The following KIAA1549L variants were observed in gnomAD, a reference collection of about 807,000 sequenced individuals.
The protein encoded by KIAA1549L is UPF0606 protein KIAA1549L.
KIAA1549L carries 88 observed loss-of-function variants against 160.7 expected under a neutral mutation model. The observed-to-expected ratio is 0.55, with a 90% CI of 0.46 to 0.65. The LOEUF is 0.65. Ranked by LOEUF, KIAA1549L falls within the 30% of genes least tolerant of loss-of-function variation. The pLI, the probability that KIAA1549L is intolerant of heterozygous loss-of-function variation, is 0.00. For missense variants in KIAA1549L, 2,258 were observed against 2,437.5 expected (o/e 0.93, Z 1.55); for synonymous variants, 950 against 976.7 (o/e 0.97, Z 0.51).
chr11:33,529,795 G>A (rs1020441892), intron 1 of KIAA1549L, among the ~76,000 whole-genome samples: 1 of 152,142 alleles, frequency 6.6e-6, no homozygotes, highest in African/African-American at 2.4e-5. Context: ...GGAGATAACT[G>A]GCTAGCTATC....
intron 8 of KIAA1549L, among the ~76,000 whole-genome samples, chr11:33,566,870 AATCTT>A (rs1489490083): frequency 1.3e-5 from 2 of 152,224 alleles, no homozygotes; most frequent in East Asian, 3.8e-4. Context: ...AATAATGGAA[AATCTT>A]ATCTTCCCAG....
chr11:33,459,902 A>G (rs367814795), intron 1 of KIAA1549L, among the ~76,000 whole-genome samples: 34 of 142,610 alleles, frequency 2.4e-4, no homozygotes, highest in African/African-American at 8.6e-4. Context: ...CAGAGCTTGC[A>G]GTGAGCCGAG....
At chr11:33,662,516 A>G (rs528273197) in intron 20 of KIAA1549L, among the ~76,000 whole-genome samples, 1 of 152,294 alleles carries the variant, frequency 6.6e-6, no homozygotes, top group South Asian at 2.1e-4. Context: ...CTGCTATTCC[A>G]CATGGCTGAT....
chr11:33,420,768 A>AT (rs763775387), intron 1 of KIAA1549L, among the ~76,000 whole-genome samples: 1 of 152,220 alleles, frequency 6.6e-6, no homozygotes, highest in African/African-American at 2.4e-5. Context: ...TAAACGTTTC[A>AT]TAACCACGAA....
At position 33,618,729 on chromosome 11, in the gene KIAA1549L, T is replaced by A. The variant is rs995558260; in HGVS notation, c.5409+67T>A. On this transcript the variant is annotated intron_variant, in intron 16 of 20. Transcript: ENST00000658780. ...CCCTGAAGGCAAGGGGGATAGGGCA[T>A]CCCACTGTGTTTTGGTTTACCACAT... The A allele has an allele frequency of 2.0e-5, 27 of 1,340,788 alleles. No individual in the cohort carries two copies. The South Asian group carries it at 2.5e-4, about 12-fold the overall frequency. The allele number at this position is 1,340,788 out of a possible 1,614,324, so 83.1% of individuals were successfully genotyped here. A position where few individuals can be genotyped will look rare whatever the true frequency, so the allele number is the denominator to read the frequency against.
intron 1 of KIAA1549L, among the ~76,000 whole-genome samples, chr11:33,505,059 C>G (rs955513993): frequency 3.3e-5 from 5 of 152,248 alleles, no homozygotes; most frequent in African/African-American, 1.2e-4. Flanking sequence ...AGCCACCACA[C>G]CTGGCCGATT....
At chr11:33,610,683 A>T (rs1422183864) in intron 15 of KIAA1549L, among the ~76,000 whole-genome samples, 1 of 152,232 alleles carries the variant, frequency 6.6e-6, no homozygotes, top group East Asian at 1.9e-4. Context: ...TGCTGTAACG[A>T]TCTAAAAGGG....
chr11:33,432,085 A>G lies in KIAA1549L; in HGVS notation c.238+55196A>G, dbSNP rs1267749085. Among the ~76,000 whole-genome samples, 4 of 152,314 alleles carry G rather than the reference A, an allele frequency of 2.6e-5. No individual in the cohort carries two copies. In the East Asian group the frequency reaches 7.7e-4, roughly 29 times the overall value. On this transcript the variant is annotated intron_variant, in intron 1 of 20. Coordinates refer to ENST00000658780, the MANE Select transcript of KIAA1549L (RefSeq NM_012194.3). ...GCCCACCCGGAACTCCAGCTGGCCC[A>G]CAAGCTCTGCACGCAGTCCCGGTTC... is the stretch of plus-strand genomic sequence containing the variant.
chr11:33,395,252 CTT>C (rs1850349681), intron 1 of KIAA1549L, among the ~76,000 whole-genome samples: 1 of 152,144 alleles, frequency 6.6e-6, no homozygotes, highest in Non-Finnish European at 1.5e-5. Flanking sequence ...CTCAATAAGT[CTT>C]TGTTGATTAT....
chr11:33,385,646 T>G (rs570965619), intron 1 of KIAA1549L, among the ~76,000 whole-genome samples: 2 of 152,312 alleles, frequency 1.3e-5, no homozygotes, highest in South Asian at 4.1e-4. Flanking sequence ...TCTATACAGA[T>G]TTTAGTATCT....
intron 1 of KIAA1549L, among the ~76,000 whole-genome samples, chr11:33,447,476 A>ACCCC (rs1590251967): frequency 2.6e-5 from 3 of 115,706 alleles, no homozygotes; most frequent in Non-Finnish European, 3.6e-5. Context: ...CCATCCATCC[A>ACCCC]CCCACCCACC....
chr11:33,445,907 G>C (rs2132957930), intron 1 of KIAA1549L, among the ~76,000 whole-genome samples: 1 of 152,308 alleles, frequency 6.6e-6, no homozygotes, highest in East Asian at 1.9e-4. Flanking sequence ...GGCCCTCATA[G>C]ACACTGAATC....
intron 1 of KIAA1549L, among the ~76,000 whole-genome samples, chr11:33,420,230 T>A: frequency 1.4e-5 from 1 of 74,002 alleles, no homozygotes. Context: ...CAAAGTTTTT[T>A]TTTTGTTTTT....
intron 1 of KIAA1549L, among the ~76,000 whole-genome samples, chr11:33,443,864 C>T (rs531437455): frequency 1.3e-5 from 2 of 152,158 alleles, no homozygotes; most frequent in Non-Finnish European, 2.9e-5. Context: ...TGATAGGACT[C>T]ATTTCCTCAA....
chr11:33,477,336 G>A (rs972224852), intron 1 of KIAA1549L, among the ~76,000 whole-genome samples: 2 of 152,138 alleles, frequency 1.3e-5, no homozygotes, highest in East Asian at 1.9e-4. Flanking sequence ...AAAAGTGAAC[G>A]CTTAACAAGA....
intron 1 of KIAA1549L, among the ~76,000 whole-genome samples, chr11:33,506,330 C>A (rs1032768670): frequency 6.6e-6 from 1 of 152,198 alleles, no homozygotes; most frequent in Non-Finnish European, 1.5e-5. Context: ...TGATTCAAAG[C>A]ACATGCTGGG....
In KIAA1549L at chr11:33,577,152, G is replaced by A. The variant is rs78440825; in HGVS notation, c.4402+2279G>A. Among the ~76,000 whole-genome samples, 40 of 152,274 alleles carry A rather than the reference G, an allele frequency of 2.6e-4. No homozygotes were observed. The East Asian group carries it at 6.8e-3, about 26-fold the overall frequency. ...GATCTCACGGGAGGGAGAGAACTGC[G>A]TGTCGATTTATATTCCCAAGAGGCA... On this transcript the variant is annotated intron_variant, in intron 10 of 20. Coordinates refer to ENST00000658780, the MANE Select transcript of KIAA1549L (RefSeq NM_012194.3).
At position 33,543,725 on chromosome 11, in the gene KIAA1549L, A is replaced by G. The variant is rs374564755; in HGVS notation, c.2162A>G (p.Asn721Ser). Reference protein sequence around the residue: ...SIISGLQQQTNYDLNGHTIST... With the variant: ...SIISGLQQQTSYDLNGHTIST... ...ATATCTGGCTTGCAGCAGCAAACAAATTATGATTTAAATGGACACACAATT... is the reference window on the plus strand; with the variant it reads ...ATATCTGGCTTGCAGCAGCAAACAAGTTATGATTTAAATGGACACACAATT... The change falls in exon 2 of 21, where the codon AAT (asparagine) becomes AGT (serine). Residue 721 changes from asparagine (N) to serine (S), a missense_variant. Asn to Ser is a conservative substitution (Grantham distance 46). This residue lies in a region of KIAA1549L where 287 missense variants were observed against 292.3 expected (regional missense o/e 0.98). Coordinates refer to ENST00000658780, the MANE Select transcript of KIAA1549L (RefSeq NM_012194.3). 4.9e-5 allele frequency: 79 copies of G among 1,613,912 alleles called. No individual in the cohort carries two copies. Among genetic ancestry groups the G allele is most frequent in the Non-Finnish European group, 5.1e-6 (6 of 1,179,894 alleles).
chr11:33,564,214 C>A (rs1261755199), intron 8 of KIAA1549L, among the ~76,000 whole-genome samples: 1 of 152,186 alleles, frequency 6.6e-6, no homozygotes, highest in African/African-American at 2.4e-5. Context: ...TAGCCACCAA[C>A]CAACCTGCCC....
Sources: gnomAD v4.1 joint callset for allele counts (sites outside exome capture counted in the v4.1 genomes callset) on GRCh38, gnomAD v4.1.1 for gene constraint, gnomAD v4.1.1 regional missense constraint, MANE v1.5 for transcripts, NCBI Gene and HGNC (gene_info 2026-07-23, HGNC 2026-07-21) for gene names.